WWOX: variants seen among roughly 807,000 people sequenced by gnomAD.
WWOX encodes WW domain-containing oxidoreductase.
A neutral mutation model predicts 46.2 loss-of-function variants in WWOX; 69 were observed. The ratio of observed to expected loss-of-function variants is 1.49; its 90% CI spans 1.23 to 1.82. WWOX has a LOEUF of 1.82. Ranked by LOEUF, WWOX falls within the 40% of genes most tolerant of loss-of-function variation. The pLI is 0.00. For synonymous variants in WWOX, 359 were observed against 202.6 expected (o/e 1.77, Z -6.56); for missense variants, 919 against 542.6 (o/e 1.69, Z -6.89).
In WWOX at chr16:78,385,764, G is replaced by T. The variant is rs77747268; in HGVS notation, c.517-1096G>T. On this transcript the variant is annotated intron_variant, in intron 5 of 8. Transcript: ENST00000566780. ...AATCTTACTTAAGCATCACAGTCTA[G>T]ACTAGAATTCCCAAGTCAACCGTTT... Among the ~76,000 whole-genome samples, 15 of 152,306 alleles carry T rather than the reference G, an allele frequency of 9.8e-5. No individual in the cohort carries two copies. In the East Asian group the frequency reaches 2.9e-3, roughly 29 times the overall value.
At chr16:78,541,816 G>C (rs1188254130) in intron 8 of WWOX, among the ~76,000 whole-genome samples, 1 of 152,126 alleles carries the variant, frequency 6.6e-6, no homozygotes, top group East Asian at 1.9e-4. Flanking sequence ...CTACTATGAA[G>C]TATTAGCTTT....
At chr16:78,463,619 C>T (rs530638893) in intron 8 of WWOX, among the ~76,000 whole-genome samples, 29 of 152,260 alleles carry the variant, frequency 1.9e-4, no homozygotes, top group South Asian at 4.2e-4. Flanking sequence ...AAGCATCTTA[C>T]GAATCTGGCA....
At chr16:79,180,376 TC>T (rs2050886557) in intron 8 of WWOX, among the ~76,000 whole-genome samples, 1 of 152,222 alleles carries the variant, frequency 6.6e-6, no homozygotes, top group South Asian at 2.1e-4. Context: ...TATAAATCTA[TC>T]CGTTAACAGG....
chr16:78,699,625 A>T (rs568947824), intron 8 of WWOX, among the ~76,000 whole-genome samples: 23 of 152,336 alleles, frequency 1.5e-4, no homozygotes, highest in African/African-American at 5.5e-4. Flanking sequence ...TTTTTTGGTT[A>T]ATCAATGATT....
chr16:78,711,354 A>T (rs898785114), intron 8 of WWOX, among the ~76,000 whole-genome samples: 4 of 152,206 alleles, frequency 2.6e-5, no homozygotes, highest in Non-Finnish European at 5.9e-5. Flanking sequence ...AGTTCTTCAA[A>T]AAATAGGAAC....
intron 8 of WWOX, among the ~76,000 whole-genome samples, chr16:78,543,546 T>C (rs2043952379): frequency 6.6e-6 from 1 of 152,196 alleles, no homozygotes; most frequent in African/African-American, 2.4e-5. Context: ...TGGAAACTTT[T>C]CAACACTGGC....
chr16:78,144,525 T>TA (rs2034132156), intron 4 of WWOX, among the ~76,000 whole-genome samples: 3 of 29,058 alleles, frequency 1.0e-4, no homozygotes, highest in African/African-American at 4.3e-4. Flanking sequence ...ATATATATAT[T>TA]TTTTTTTTTT....
At chr16:78,866,307 A>T (rs1204374593) in intron 8 of WWOX, among the ~76,000 whole-genome samples, 1 of 152,094 alleles carries the variant, frequency 6.6e-6, no homozygotes, top group Non-Finnish European at 1.5e-5. Context: ...TCAGATTTCA[A>T]GTGGTCATTT....
intron 5 of WWOX, among the ~76,000 whole-genome samples, chr16:78,239,158 C>T (rs67871127): frequency 0.16 from 24,720 of 152,230 alleles, 2,709 homozygotes; most frequent in African/African-American, 0.3. Context: ...CCTGACTTTG[C>T]CTCAGCCTCC....
chr16:78,166,486 A>T (rs2034976072), intron 5 of WWOX, among the ~76,000 whole-genome samples: 2 of 152,136 alleles, frequency 1.3e-5, no homozygotes, highest in African/African-American at 4.8e-5. Flanking sequence ...GGACTCCTTG[A>T]TTCAAAGGGC....
At chr16:78,487,721 A>C (rs936946136) in intron 8 of WWOX, among the ~76,000 whole-genome samples, 1 of 152,048 alleles carries the variant, frequency 6.6e-6, no homozygotes, top group African/African-American at 2.4e-5. Context: ...GATGTTGGCA[A>C]ATGTCTGGCC....
At chr16:79,155,533 T>C (rs1485715424) in intron 8 of WWOX, among the ~76,000 whole-genome samples, 2 of 151,906 alleles carry the variant, frequency 1.3e-5, no homozygotes, top group Non-Finnish European at 2.9e-5. Context: ...TCGTAGACCA[T>C]AAAAAAACAG....
At chr16:78,163,360 G>A (rs1389814777) in intron 4 of WWOX, among the ~76,000 whole-genome samples, 2 of 152,206 alleles carry the variant, frequency 1.3e-5, no homozygotes, top group African/African-American at 2.4e-5. Context: ...TGTTATTACA[G>A]CGAGGGTATA....
At chr16:78,334,350 C>A (rs2080828288) in intron 5 of WWOX, among the ~76,000 whole-genome samples, 1 of 152,010 alleles carries the variant, frequency 6.6e-6, no homozygotes, top group African/African-American at 2.4e-5. Flanking sequence ...GCAAAAAGTC[C>A]CCAAAGTCGA....
At chr16:78,101,780 GAC>G (rs1201324136) in intron 1 of WWOX, among the ~76,000 whole-genome samples, 7 of 152,204 alleles carry the variant, frequency 4.6e-5, no homozygotes, top group Admixed American at 4.6e-4. Flanking sequence ...GTTCATTCAA[GAC>G]ACACACAGGT....
At position 78,940,674 on chromosome 16, in the gene WWOX, CT is replaced by C. The variant is rs61366482; in HGVS notation, c.1057-270919del. The stretch of plus-strand genomic sequence containing the variant: ...GTCTTTCTTTCTTTTCTTAGGTTAA[CT>C]TTTTTTTTTTTTTTCCTTTTGAATG... On this transcript the variant is annotated intron_variant, in intron 8 of 8. Transcript: ENST00000566780. 8.9e-3 allele frequency among the ~76,000 whole-genome samples: 1,227 copies of C among 138,600 alleles called. 50 individuals carry two copies. The highest frequency in any genetic ancestry group is 0.078 in the Admixed American group (1,083 of 13,906). The allele number at this position is 138,600 out of a possible 152,430, so 90.9% of individuals were successfully genotyped here. A position where few individuals can be genotyped will look rare whatever the true frequency, so the allele number is the denominator to read the frequency against.
At chr16:79,105,987 A>T (rs1444056119) in intron 8 of WWOX, 1 of 152,216 alleles carries the variant, frequency 6.6e-6, no homozygotes, top group Admixed American at 6.5e-5. Flanking sequence ...ATATCTTTCT[A>T]TGACAGTAAA....
At chr16:79,096,016 A>ATTTTTT (rs57621801) in intron 8 of WWOX, among the ~76,000 whole-genome samples, 1,297 of 81,748 alleles carry the variant, frequency 0.016, 13 homozygotes, top group African/African-American at 0.035. Flanking sequence ...CACCCGGATA[A>ATTTTTT]TTTTTTTTTT....
chr16:78,129,158 G>T (rs1248179706), intron 4 of WWOX, among the ~76,000 whole-genome samples: 1 of 152,130 alleles, frequency 6.6e-6, no homozygotes, highest in African/African-American at 2.4e-5. Flanking sequence ...GGTTAGCGTC[G>T]CCACTTGCCC....
Sources: gnomAD v4.1 joint callset for allele counts (sites outside exome capture counted in the v4.1 genomes callset) on GRCh38, gnomAD v4.1.1 for gene constraint, MANE v1.5 for transcripts, NCBI Gene and HGNC (gene_info 2026-07-23, HGNC 2026-07-21) for gene names.